PHC3: variants seen among roughly 807,000 people sequenced by gnomAD.
The protein encoded by PHC3 is polyhomeotic homolog 3.
In PHC3, 13 loss-of-function variants were observed where a neutral mutation model predicts 107.4. The observed-to-expected ratio is 0.12, with a 90% confidence interval of 0.08 to 0.19. PHC3 has a LOEUF of 0.19. Ranked by LOEUF, PHC3 falls within the 10% of genes least tolerant of loss-of-function variation. The pLI is 1.00. For synonymous variants in PHC3, 456 were observed against 427.4 expected, an observed-to-expected ratio of 1.07 and a Z score of -0.83; for missense variants, 992 against 1,210.9, an observed-to-expected ratio of 0.82 and a Z score of 2.68.
intron 10 of PHC3, among the ~76,000 whole-genome samples, chr3:170,113,784 GA>G (rs1426330867): frequency 6.6e-6 from 1 of 151,040 alleles, no homozygotes; most frequent in South Asian, 2.1e-4. Flanking sequence ...AGGAGTTTTT[GA>G]AAAAAAAGTC....
chr3:170,178,973 A>G, intron 1 of PHC3, 35 bp from the exon 2 acceptor site: 1 of 1,558,782 alleles, frequency 6.4e-7, no homozygotes, highest in Non-Finnish European at 8.8e-7. Flanking sequence ...TATTGGTAAA[A>G]GCATTATCTT....
chr3:170,118,041 G>T (rs904109351), intron 9 of PHC3, among the ~76,000 whole-genome samples: 2 of 152,180 alleles, frequency 1.3e-5, no homozygotes, highest in African/African-American at 4.8e-5. Context: ...GTTCCCATGA[G>T]ACATGAAAAT....
chr3:170,175,005 T>C (rs1441185015), intron 2 of PHC3, among the ~76,000 whole-genome samples: 1 of 152,242 alleles, frequency 6.6e-6, no homozygotes, highest in Admixed American at 6.5e-5. Context: ...ACTCATTTTT[T>C]CTGTTGTCAG....
intron 4 of PHC3, among the ~76,000 whole-genome samples, chr3:170,155,458 T>C (rs1367478580): frequency 6.6e-6 from 1 of 152,208 alleles, no homozygotes; most frequent in East Asian, 1.9e-4. Flanking sequence ...TAGTGGCTCA[T>C]GCCAGTAATC....
chr3:170,109,916 G>C (rs1468446303), intron 11 of PHC3, among the ~76,000 whole-genome samples: 2 of 152,086 alleles, frequency 1.3e-5, no homozygotes, highest in African/African-American at 4.8e-5. Context: ...TATAAACACT[G>C]AAGTACATAG....
At chr3:170,122,447 T>C in intron 9 of PHC3, 144 bp downstream of exon 9, 1 of 820,118 alleles carries the variant, frequency 1.2e-6, no homozygotes, top group South Asian at 1.8e-5. Context: ...CCATAAAAAA[T>C]AAAAAATCAG....
Position 170,094,999 on chromosome 3 carries a change from C to T in PHC3, c.*2231G>A, listed in dbSNP as rs1714484050. The stretch of plus-strand genomic sequence containing the variant: ...TCATTATTGCTGGAGCAGTCTATCC[C>T]CATATAATAAATTTTGTATTAACCG... On this transcript the variant is annotated 3_prime_UTR_variant, in exon 15 of 15. Coordinates refer to ENST00000495893, the MANE Select transcript of PHC3 (RefSeq NM_024947.4). 6.6e-6 allele frequency: 1 copy of T among 152,118 alleles called. No individual in the cohort carries two copies. The highest frequency in any genetic ancestry group is 2.4e-5 in the African/African-American group (1 of 41,424). The allele number at this position is 152,118 out of a possible 1,614,324, so 9.4% of individuals were successfully genotyped here. A position where few individuals can be genotyped will look rare whatever the true frequency, so the allele number is the denominator to read the frequency against.
intron 4 of PHC3, among the ~76,000 whole-genome samples, chr3:170,161,054 C>G (rs1280099851): frequency 6.6e-6 from 1 of 152,212 alleles, no homozygotes; most frequent in Non-Finnish European, 1.5e-5. Flanking sequence ...TTGATACTTA[C>G]TACCTACCAT....
At chr3:170,112,979 C>T (rs910108233) in intron 11 of PHC3, among the ~76,000 whole-genome samples, 38 of 152,034 alleles carry the variant, frequency 2.5e-4, no homozygotes, top group African/African-American at 9.2e-4. Flanking sequence ...ACGAAACAAC[C>T]CAGAAGCTCT....
At chr3:170,181,474 G>C (rs1024568042) in intron 1 of PHC3, among the ~76,000 whole-genome samples, 1 of 152,162 alleles carries the variant, frequency 6.6e-6, no homozygotes, top group Admixed American at 6.5e-5. Flanking sequence ...CGCAGATCCG[G>C]GACCTGATGG....
At chr3:170,164,986 C>G (rs571278470) in intron 4 of PHC3, among the ~76,000 whole-genome samples, 1 of 152,190 alleles carries the variant, frequency 6.6e-6, no homozygotes, top group African/African-American at 2.4e-5. Context: ...GAGAACAGGA[C>G]TTTCATACTA....
intron 11 of PHC3, among the ~76,000 whole-genome samples, chr3:170,111,060 T>G (rs968253608): frequency 2.6e-5 from 4 of 152,280 alleles, no homozygotes; most frequent in African/African-American, 9.6e-5. Flanking sequence ...AATACAGACC[T>G]TATTTGGAAC....
In PHC3 at chr3:170,090,048, A is replaced by T. The variant is rs1713931465; in HGVS notation, c.*7182T>A. 1 of 151,982 alleles carries T rather than the reference A, an allele frequency of 6.6e-6. No homozygotes were observed. Among genetic ancestry groups the T allele is most frequent in the Non-Finnish European group, 1.5e-5 (1 of 68,008 alleles). The allele number at this position is 151,982 out of a possible 1,614,324, so 9.4% of individuals were successfully genotyped here. A position where few individuals can be genotyped will look rare whatever the true frequency, so the allele number is the denominator to read the frequency against. On this transcript the variant is annotated 3_prime_UTR_variant, in exon 15 of 15. Coordinates refer to ENST00000495893, the MANE Select transcript of PHC3 (RefSeq NM_024947.4). ...CCTTGTATAGCAACAACTCTGGAAT[A>T]GAGTCAAGTGTCAAAATAATGTTGT...
rs1713700501 is a variant in PHC3 at position 170,088,291 on chromosome 3, TGG to T, written c.*8937_*8938del. On this transcript the variant is annotated 3_prime_UTR_variant, in exon 15 of 15. Transcript: ENST00000495893. ...GGAACCAAAAGGGGAATTAAAAAATTGGTTAACGTGTGCTTGAAGCATCCAAA... is the reference window on the plus strand; with the variant it reads ...GGAACCAAAAGGGGAATTAAAAAATTTTAACGTGTGCTTGAAGCATCCAAA... 6.6e-6 allele frequency: 1 copy of T among 152,142 alleles called. No homozygotes were observed. Among genetic ancestry groups the T allele is most frequent in the Non-Finnish European group, 1.5e-5 (1 of 68,018 alleles). 9.4% of individuals were successfully genotyped at this position (152,142 alleles called of 1,614,324 possible).
rs951214337 is a variant in PHC3, at chr3:170,088,963, C to G, written c.*8267G>C. ...GGCGGATCACTTGAGGTCAGGAGTT[C>G]GAGTCCAGCCTGGCCAACATGGTGA... On this transcript the variant is annotated 3_prime_UTR_variant, in exon 15 of 15. Coordinates refer to ENST00000495893, the MANE Select transcript of PHC3 (RefSeq NM_024947.4). 6.6e-6 allele frequency: 1 copy of G among 152,112 alleles called. No individual in the cohort carries two copies. Among genetic ancestry groups the G allele is most frequent in the African/African-American group, 2.4e-5 (1 of 41,382 alleles). 9.4% of individuals were successfully genotyped at this position (152,112 alleles called of 1,614,324 possible).
At position 170,172,642 on chromosome 3, in the gene PHC3, T is replaced by C; in HGVS notation, c.251A>G (p.Gln84Arg). The change falls in exon 3 of 15, where the codon CAA becomes CGA. Residue 84 changes from glutamine (Q) to arginine (R), a missense_variant. Gln to Arg is a conservative substitution (Grantham distance 43). This residue lies in a region of PHC3 where 161 missense variants were observed against 183.7 expected (regional missense o/e 0.88). Transcript: ENST00000495893. ...AQYLQQMYAA[Q>R]QQHLMLHTAA... ...AGTATGCAGCATCAAGTGCTGTTGT[T>C]GGGCTGCATACATTTGCTGAAGGTA... 1 of 1,613,672 alleles carries C rather than the reference T, an allele frequency of 6.2e-7. No individual in the cohort carries two copies. The highest frequency in any genetic ancestry group is 8.5e-7 in the Non-Finnish European group (1 of 1,179,792).
chr3:170,095,274 C>T lies in PHC3; in HGVS notation c.*1956G>A, dbSNP rs559125781. The T allele has an allele frequency of 1.7e-4, 26 of 152,030 alleles. No homozygotes were observed. The highest frequency in any genetic ancestry group is 3.2e-4 in the Non-Finnish European group (22 of 67,994). The allele number at this position is 152,030 out of a possible 1,614,324, so 9.4% of individuals were successfully genotyped here. A position where few individuals can be genotyped will look rare whatever the true frequency, so the allele number is the denominator to read the frequency against. On this transcript the variant is annotated 3_prime_UTR_variant, in exon 15 of 15. Coordinates refer to ENST00000495893, the MANE Select transcript of PHC3 (RefSeq NM_024947.4). ...ATTAAAAATGTGATATAAAGAAATA[C>T]GTAACATAGACTACAAGCTATCGTA... is the stretch of plus-strand genomic sequence containing the variant.
chr3:170,150,531 T>TAAAAA (rs1168514834), intron 4 of PHC3: 3 of 77,576 alleles, frequency 3.9e-5, no homozygotes, highest in Admixed American at 1.8e-4. Context: ...CTGTCTCTAC[T>TAAAAA]AAAAAAAAAA....
At chr3:170,129,663 T>A in intron 7 of PHC3, 111 bp from the exon 8 acceptor site, 1 of 1,135,344 alleles carries the variant, frequency 8.8e-7, no homozygotes, top group Non-Finnish European at 1.3e-6. Flanking sequence ...ATCAGAATTC[T>A]ATTACAAGTT....
Sources: allele counts gnomAD v4.1 joint callset (sites outside exome capture counted in the v4.1 genomes callset), GRCh38; gene constraint gnomAD v4.1.1; regional missense constraint gnomAD v4.1.1; transcripts MANE v1.5; gene names NCBI Gene and HGNC (gene_info 2026-07-23, HGNC 2026-07-21).